The following CD48 variants were observed in gnomAD, a reference collection of about 807,000 sequenced individuals.
The protein encoded by CD48 is CD48 molecule.
A neutral mutation model predicts 22.0 loss-of-function variants in CD48; 20 were observed. That is an observed-to-expected ratio of 0.91 (90% CI 0.64 to 1.32). The LOEUF (loss-of-function observed/expected upper bound fraction) is 1.32. Ranked by LOEUF, CD48 falls within the 40% of genes most tolerant of loss-of-function variation. CD48 has a pLI of 0.00. For synonymous variants in CD48, 110 were observed against 110.1 expected, an observed-to-expected ratio of 1.00 and a Z score of 0.01; for missense variants, 307 against 286.5, an observed-to-expected ratio of 1.07 and a Z score of -0.52.
Position 160,686,604 on chromosome 1 carries a change from C to T in CD48, c.83-1415G>A, listed in dbSNP as rs1276531159. On this transcript the variant is annotated intron_variant, in intron 1 of 3. Coordinates refer to ENST00000368046, the MANE Select transcript of CD48 (RefSeq NM_001778.4). ...TCACATAGGTTCTTTTCTATTTTTC[C>T]TAAGCATTGGCCAGCTTGAGAAATA... 4 of 152,208 alleles carry T rather than the reference C, an allele frequency of 2.6e-5. No individual in the cohort carries two copies. In the East Asian group the frequency reaches 7.7e-4, roughly 29 times the overall value. The allele number at this position is 152,208 out of a possible 1,614,324, so 9.4% of individuals were successfully genotyped here. A position where few individuals can be genotyped will look rare whatever the true frequency, so the allele number is the denominator to read the frequency against.
Position 160,681,450 on chromosome 1 carries a change from A to G in CD48, c.404T>C (p.Val135Ala). Residue 135 changes from valine to alanine, a missense_variant, in exon 3 of 4, where the codon GTC (valine) becomes GCC (alanine). By Grantham distance (64) the Val-to-Ala change is moderately conservative. Transcript: ENST00000368046. ...GTCTTCTATCTTCTCAATTTTGATGACAGGCTTGGGTACAGGGTCTGAAAG... is the reference window on the plus strand; with the variant it reads ...GTCTTCTATCTTCTCAATTTTGATGGCAGGCTTGGGTACAGGGTCTGAAAG... Reference protein sequence around the residue: ...LQVLDPVPKPVIKIEKIEDMD... With the variant: ...LQVLDPVPKPAIKIEKIEDMD... 2.5e-6 allele frequency: 4 copies of G among 1,614,100 alleles called. No homozygotes were observed. The highest frequency in any genetic ancestry group is 3.4e-6 in the Non-Finnish European group (4 of 1,179,960).
At chr1:160,694,268 C>G (rs910002082) in intron 1 of CD48, among the ~76,000 whole-genome samples, 2 of 152,164 alleles carry the variant, frequency 1.3e-5, no homozygotes, top group African/African-American at 4.8e-5. Flanking sequence ...AAGCACTGAT[C>G]CGACAGGAAA....
At chr1:160,697,724 G>A (rs1378128994) in intron 1 of CD48, among the ~76,000 whole-genome samples, 2 of 152,078 alleles carry the variant, frequency 1.3e-5, no homozygotes, top group African/African-American at 4.8e-5. Context: ...TTTAGTTTGG[G>A]AAGAATGTGT....
At chr1:160,679,985 G>C (rs1033832218) in intron 3 of CD48, among the ~76,000 whole-genome samples, 7 of 152,214 alleles carry the variant, frequency 4.6e-5, no homozygotes, top group African/African-American at 1.7e-4. Flanking sequence ...GAGGCTGGTA[G>C]AGACAGGGCC....
Position 160,678,852 on chromosome 1 carries a change from T to C in CD48, c.*200A>G, listed in dbSNP as rs994214122. ...GGAAAAAAGCATGTGTATCTCTATA[T>C]CTCTGTGTACTAGAAAACAACAAAG... On this transcript the variant is annotated 3_prime_UTR_variant, in exon 4 of 4. Transcript: ENST00000368046. 9.3e-6 allele frequency: 5 copies of C among 536,096 alleles called. No individual in the cohort carries two copies. In the African/African-American group the frequency reaches 9.5e-5, roughly 10 times the overall value. 33.2% of individuals were successfully genotyped at this position (536,096 alleles called of 1,614,324 possible). A position where few individuals can be genotyped will look rare whatever the true frequency, so the allele number is the denominator to read the frequency against.
At chr1:160,702,533 C>T (rs1309351024) in intron 1 of CD48, among the ~76,000 whole-genome samples, 1 of 152,136 alleles carries the variant, frequency 6.6e-6, no homozygotes, top group Non-Finnish European at 1.5e-5. Context: ...GAGCGGCAAA[C>T]ATTTGCCCAA....
chr1:160,690,820 T>G (rs1662184069), intron 1 of CD48, among the ~76,000 whole-genome samples: 1 of 152,202 alleles, frequency 6.6e-6, no homozygotes, highest in Non-Finnish European at 1.5e-5. Flanking sequence ...ATTGTTACTG[T>G]GTCTGTATAG....
At chr1:160,698,517 C>A (rs928690780) in intron 1 of CD48, among the ~76,000 whole-genome samples, 4 of 152,004 alleles carry the variant, frequency 2.6e-5, no homozygotes, top group African/African-American at 9.7e-5. Context: ...CAAAAGAATT[C>A]TACAAGATTG....
intron 1 of CD48, among the ~76,000 whole-genome samples, chr1:160,700,829 C>T (rs1205330447): frequency 2.6e-5 from 4 of 152,130 alleles, no homozygotes; most frequent in Non-Finnish European, 2.9e-5. Flanking sequence ...CATTGTTTAT[C>T]GACCACCATT....
rs1662952945 is a variant in CD48, at chr1:160,711,678, G to A, written c.82+4C>T. ...ATCACAGATACACAGTTGGTGGAAA[G>A]TACCTTGAATGCTGGTCACCAGGAG... On this transcript the variant is annotated splice_donor_region_variant and intron_variant, in intron 1 of 3. Coordinates refer to ENST00000368046, the MANE Select transcript of CD48 (RefSeq NM_001778.4). The A allele has an allele frequency of 6.2e-7, 1 of 1,607,954 alleles. No homozygotes were observed. The highest frequency in any genetic ancestry group is 8.5e-7 in the Non-Finnish European group (1 of 1,174,544).
intron 1 of CD48, chr1:160,686,694 G>A (rs967641290): frequency 6.6e-6 from 1 of 152,164 alleles, no homozygotes; most frequent in Non-Finnish European, 1.5e-5. Flanking sequence ...TCACATGTCG[G>A]TAGGTTCCGT....
rs917780554 is a variant in CD48 at position 160,706,072 on chromosome 1, C to T, written c.82+5610G>A. Among the ~76,000 whole-genome samples, 11 of 151,798 alleles carry T rather than the reference C, an allele frequency of 7.2e-5. No individual in the cohort carries two copies. In the East Asian group the frequency reaches 1.5e-3, roughly 21 times the overall value. The stretch of plus-strand genomic sequence containing the variant: ...GCAGGTAGTAACACCAGACAGATCA[C>T]TTATATATATATAATTTTTTTTATG... On this transcript the variant is annotated intron_variant, in intron 1 of 3. Transcript: ENST00000368046.
chr1:160,709,353 A>AT (rs1558041000), intron 1 of CD48, among the ~76,000 whole-genome samples: 1 of 152,138 alleles, frequency 6.6e-6, no homozygotes, highest in African/African-American at 2.4e-5. Flanking sequence ...GCAATTGCAC[A>AT]TTTTTTATTT....
intron 1 of CD48, among the ~76,000 whole-genome samples, chr1:160,710,955 C>T (rs1182459259): frequency 6.6e-6 from 1 of 152,216 alleles, no homozygotes; most frequent in Non-Finnish European, 1.5e-5. Context: ...AAAGGTTTCA[C>T]TGCTGTTTCT....
At chr1:160,684,551 TA>T in intron 2 of CD48, 2 of 595,688 alleles carry the variant, frequency 3.4e-6, no homozygotes, top group Non-Finnish European at 5.7e-6. Context: ...CAATGAAGCC[TA>T]ATTTCGGAGA....
chr1:160,681,064 G>A (rs749645176), intron 3 of CD48, 138 bp downstream of exon 3: 200 of 1,520,546 alleles, frequency 1.3e-4, no homozygotes, highest in South Asian at 4.1e-4. Flanking sequence ...CAGAACCCAC[G>A]TCTCCCAGCT....
chr1:160,688,218 A>G (rs920970367), intron 1 of CD48, among the ~76,000 whole-genome samples: 2 of 152,238 alleles, frequency 1.3e-5, no homozygotes, highest in Non-Finnish European at 2.9e-5. Flanking sequence ...ATGCCATTCC[A>G]TCAGTGGTGG....
chr1:160,685,217 G>C (rs1661957176), intron 1 of CD48, 28 bp from the exon 2 acceptor site: 1 of 1,563,440 alleles, frequency 6.4e-7, no homozygotes, highest in Non-Finnish European at 8.7e-7. Context: ...AGTGAGACCT[G>C]CGCTAGAGGA....
intron 3 of CD48, chr1:160,680,624 G>A: frequency 9.9e-7 from 1 of 1,008,378 alleles, no homozygotes; most frequent in Non-Finnish European, 1.2e-6. Context: ...ATCCTCCCAG[G>A]AGACAGGGGA....
Sources: gnomAD v4.1 joint callset for allele counts (sites outside exome capture counted in the v4.1 genomes callset) on GRCh38, gnomAD v4.1.1 for gene constraint, MANE v1.5 for transcripts, NCBI Gene and HGNC (gene_info 2026-07-23, HGNC 2026-07-21) for gene names.